PISD: variants seen among roughly 807,000 people sequenced by gnomAD.
The protein encoded by PISD is phosphatidylserine decarboxylase.
A neutral mutation model predicts 43.5 loss-of-function variants in PISD; 31 were observed. The ratio of observed to expected loss-of-function variants is 0.71; its 90% CI spans 0.54 to 0.96. The LOEUF is 0.96. Ranked by LOEUF, PISD falls within the 40% of genes least tolerant of loss-of-function variation. PISD has a pLI of 0.00. For missense variants in PISD, 523 were observed against 548.4 expected (o/e 0.95, Z 0.46); for synonymous variants, 259 against 228.7 (o/e 1.13, Z -1.20).
chr22:31,646,383 C>T (rs2073888090), intron 3 of PISD, among the ~76,000 whole-genome samples: 1 of 152,178 alleles, frequency 6.6e-6, no homozygotes, highest in African/African-American at 2.4e-5. Flanking sequence ...TGTCACTTTC[C>T]AGGCCCTGGG....
chr22:31,626,137 G>A (rs777004765), intron 3 of PISD: 135 of 945,336 alleles, frequency 1.4e-4, no homozygotes, highest in Non-Finnish European at 1.9e-4. Flanking sequence ...CACCTGCTCT[G>A]TCCCTGCTAC....
chr22:31,626,887 G>T (rs1407237119), intron 3 of PISD, among the ~76,000 whole-genome samples: 1 of 152,240 alleles, frequency 6.6e-6, no homozygotes, highest in Non-Finnish European at 1.5e-5. Flanking sequence ...CACTGCCCAG[G>T]AAGGGGCAGG....
At chr22:31,646,558 G>T (rs1270534428) in intron 3 of PISD, among the ~76,000 whole-genome samples, 1 of 152,100 alleles carries the variant, frequency 6.6e-6, no homozygotes, top group African/African-American at 2.4e-5. Flanking sequence ...ATATTCTTTT[G>T]GGAAACCTTT....
Position 31,619,363 on chromosome 22 carries a change from T to C in PISD, c.*249A>G, listed in dbSNP as rs1373950198. ...AAGATCCAAATGTGACTGAGATCAT[T>C]CCAGCCTGCACTTTTTATTTGTAGG... On this transcript the variant is annotated 3_prime_UTR_variant, in exon 8 of 8. Coordinates refer to ENST00000439502, the MANE Select transcript of PISD (RefSeq NM_001326411.2). The C allele has an allele frequency of 8.7e-6, 5 of 575,884 alleles. No homozygotes were observed. The highest frequency in any genetic ancestry group is 1.3e-5 in the Non-Finnish European group (4 of 310,132). The allele number at this position is 575,884 out of a possible 1,614,324, so 35.7% of individuals were successfully genotyped here.
Position 31,634,982 on chromosome 22 carries a change from C to T in PISD, c.322-13097G>A, listed in dbSNP as rs1890730394. 2.0e-5 allele frequency among the ~76,000 whole-genome samples: 3 copies of T among 151,804 alleles called. 1 individual carries two copies. The highest frequency in any genetic ancestry group is 2.0e-4 in the Admixed American group (3 of 15,212). Reference sequence around the variant, plus strand: ...AAGAGTTCAAGACCAGCCTGGCCAACATGGTGAAACCCTGTCTCTACTAAA... The same window carrying T: ...AAGAGTTCAAGACCAGCCTGGCCAATATGGTGAAACCCTGTCTCTACTAAA... On this transcript the variant is annotated intron_variant, in intron 3 of 7. Coordinates refer to ENST00000439502, the MANE Select transcript of PISD (RefSeq NM_001326411.2).
intron 3 of PISD, among the ~76,000 whole-genome samples, chr22:31,645,524 G>T (rs2073858257): frequency 6.6e-6 from 1 of 150,462 alleles, no homozygotes; most frequent in African/African-American, 2.4e-5. Flanking sequence ...GGCCAACATG[G>T]TGAAACCCTG....
Position 31,623,659 on chromosome 22 carries a change from G to A in PISD, c.322-1774C>T, listed in dbSNP as rs199783760. On this transcript the variant is annotated intron_variant, in intron 3 of 7. Coordinates refer to ENST00000439502, the MANE Select transcript of PISD (RefSeq NM_001326411.2). ...AGGCCTGCCCGGAAGGGAGGTCCGAGCCACAGGGGCCTGTGCACACTTACC... is the reference window on the plus strand; with the variant it reads ...AGGCCTGCCCGGAAGGGAGGTCCGAACCACAGGGGCCTGTGCACACTTACC... The A allele has an allele frequency of 2.1e-5, 33 of 1,599,722 alleles. No homozygotes were observed. In the East Asian group the frequency reaches 7.4e-4, roughly 36 times the overall value.
chr22:31,650,353 G>A (rs1226330162), intron 2 of PISD, among the ~76,000 whole-genome samples: 1 of 151,696 alleles, frequency 6.6e-6, no homozygotes, highest in Non-Finnish European at 1.5e-5. Flanking sequence ...CACAGTCTTT[G>A]AAATATTAAA....
chr22:31,660,435 T>A (rs1159680571), intron 1 of PISD, among the ~76,000 whole-genome samples: 1 of 152,162 alleles, frequency 6.6e-6, no homozygotes, highest in African/African-American at 2.4e-5. Context: ...GGTGGATCAC[T>A]TGAGCCCAGG....
chr22:31,632,515 C>A (rs1185531599), intron 3 of PISD, among the ~76,000 whole-genome samples: 1 of 152,164 alleles, frequency 6.6e-6, no homozygotes, highest in African/African-American at 2.4e-5. Flanking sequence ...GTGGAGTGTG[C>A]ACGTTCTCCC....
intron 1 of PISD, 90 bp from the exon 2 acceptor site, chr22:31,650,868 T>C: frequency 1.4e-6 from 1 of 738,980 alleles, no homozygotes; most frequent in East Asian, 2.7e-5. Flanking sequence ...TCAATAACAA[T>C]ATTGTAGCAA....
chr22:31,640,878 G>GTGTTTTTTT (rs2073687907), intron 3 of PISD, among the ~76,000 whole-genome samples: 1 of 27,190 alleles, frequency 3.7e-5, no homozygotes, highest in Non-Finnish European at 6.3e-5. Flanking sequence ...ACCACACCCG[G>GTGTTTTTTT]TGTTTTTTTT....
intron 3 of PISD, chr22:31,628,737 G>T: frequency 1.4e-6 from 1 of 714,622 alleles, no homozygotes; most frequent in Non-Finnish European, 1.7e-6. Flanking sequence ...ATTCCTCCTG[G>T]CCACCCCCTT....
chr22:31,639,505 G>A (rs7291941), intron 3 of PISD, among the ~76,000 whole-genome samples: 3,840 of 152,254 alleles, frequency 0.025, 60 homozygotes, highest in Middle Eastern at 0.044. Flanking sequence ...TGGGATCACA[G>A]GCATGAGCCA....
chr22:31,621,647 A>G lies in PISD; in HGVS notation c.558+2T>C. 1 of 1,611,814 alleles carries G rather than the reference A, an allele frequency of 6.2e-7. No individual in the cohort carries two copies. The highest frequency in any genetic ancestry group is 8.5e-7 in the Non-Finnish European group (1 of 1,178,376). Reference sequence around the variant, plus strand: ...CTGCAGGAGGAAAGGGTCAGGCCTCACCACGCTGTGCAGGCCACAGACAGG... The same window carrying G: ...CTGCAGGAGGAAAGGGTCAGGCCTCGCCACGCTGTGCAGGCCACAGACAGG... On this transcript the variant is annotated splice_donor_variant, in intron 4 of 7. Transcript: ENST00000439502. LOFTEE classifies it high-confidence loss of function.
intron 3 of PISD, among the ~76,000 whole-genome samples, chr22:31,643,660 A>T (rs983123896): frequency 1.3e-5 from 2 of 152,236 alleles, no homozygotes; most frequent in African/African-American, 4.8e-5. Flanking sequence ...CTGTAATTCT[A>T]GCACTTTGGG....
intron 3 of PISD, among the ~76,000 whole-genome samples, chr22:31,624,646 C>CACAGACAG (rs139043278): frequency 3.7e-5 from 5 of 134,188 alleles, no homozygotes; most frequent in African/African-American, 1.2e-4. Flanking sequence ...GCTGGGGCTG[C>CACAGACAG]ACAGACAGAC....
intron 1 of PISD, among the ~76,000 whole-genome samples, chr22:31,656,128 C>T: frequency 6.6e-6 from 1 of 151,780 alleles, no homozygotes; most frequent in Admixed American, 6.6e-5. Context: ...ACCCCGTCTC[C>T]ACTAAAAATA....
At chr22:31,659,236 G>A (rs2097363717) in intron 1 of PISD, among the ~76,000 whole-genome samples, 1 of 152,152 alleles carries the variant, frequency 6.6e-6, no homozygotes, top group Non-Finnish European at 1.5e-5. Flanking sequence ...AGCTGTGAAA[G>A]TTCTCCTAAA....
Sources: allele counts gnomAD v4.1 joint callset (sites outside exome capture counted in the v4.1 genomes callset), GRCh38; gene constraint gnomAD v4.1.1; transcripts MANE v1.5; gene names NCBI Gene and HGNC (gene_info 2026-07-23, HGNC 2026-07-21).